The following CCDC178 variants were observed in gnomAD, a reference collection of about 807,000 sequenced individuals.
The protein encoded by CCDC178 is coiled-coil domain-containing protein 178.
A neutral mutation model predicts 117.4 loss-of-function variants in CCDC178; 126 were observed. The observed-to-expected ratio is 1.07, with a 90% CI of 0.93 to 1.24. CCDC178 has a LOEUF of 1.24. Among genes scored for constraint, CCDC178 ranks in the 50% most tolerant of loss-of-function variants. The pLI, the probability that CCDC178 is intolerant of heterozygous loss-of-function variation, is 0.00. For synonymous variants in CCDC178, 283 were observed against 313.4 expected, an observed-to-expected ratio of 0.90 and a Z score of 1.02; for missense variants, 1,030 against 986.9, an observed-to-expected ratio of 1.04 and a Z score of -0.59.
chr18:33,192,231 A>G lies in CCDC178; in HGVS notation c.2238+19665T>C, dbSNP rs138715464. Among the ~76,000 whole-genome samples, 1,157 of 152,310 alleles carry G rather than the reference A, an allele frequency of 7.6e-3. 21 individuals carry two copies. Among genetic ancestry groups the G allele is most frequent in the African/African-American group, 0.026 (1,080 of 41,556 alleles). On this transcript the variant is annotated intron_variant, in intron 20 of 22. Coordinates refer to ENST00000383096, the MANE Select transcript of CCDC178 (RefSeq NM_001105528.4). ...CCTCAACTTGGTTGTAATTTCCTAT[A>G]GCAGAGTTTAATATAGTATGAATTC...
chr18:33,185,641 A>G (rs2058782471), intron 20 of CCDC178, among the ~76,000 whole-genome samples: 1 of 152,088 alleles, frequency 6.6e-6, no homozygotes, highest in African/African-American at 2.4e-5. Flanking sequence ...AAACAAATAT[A>G]GAAAAGACAC....
chr18:33,065,843 C>A (rs903692370), intron 21 of CCDC178, among the ~76,000 whole-genome samples: 61 of 151,292 alleles, frequency 4.0e-4, no homozygotes, highest in Non-Finnish European at 1.9e-4. Flanking sequence ...GACTGTTATA[C>A]CTAGCAAAGT....
chr18:33,293,334 A>G, intron 11 of CCDC178, 22 bp from the exon 12 acceptor site: 1 of 1,395,340 alleles, frequency 7.2e-7, no homozygotes, highest in Non-Finnish European at 9.9e-7. Flanking sequence ...AACACAGTTT[A>G]TTTTATTCAC....
chr18:33,001,656 T>C (rs1405419971), intron 21 of CCDC178, among the ~76,000 whole-genome samples: 1 of 151,424 alleles, frequency 6.6e-6, no homozygotes, highest in Non-Finnish European at 1.5e-5. Flanking sequence ...AATAAGAAAA[T>C]GAGAGGACTA....
rs545904081 is a variant in CCDC178, at chr18:32,938,029, T to C, written c.2586A>G (p.Thr862=). 3 of 1,613,512 alleles carry C rather than the reference T, an allele frequency of 1.9e-6. No homozygotes were observed. Among genetic ancestry groups the C allele is most frequent in the East Asian group, 2.2e-5 (1 of 44,860 alleles). ...TGTTTGCTTAACCATCGTTTTCGCA[T>C]GTGCCATCTGTCAAAGTCTGGAAGA... ...LGFFQTLTDG[T]CENDG Residue 862 remains threonine (T), a synonymous_variant, in exon 23 of 23, where the codon ACA becomes ACG. Coordinates refer to ENST00000383096, the MANE Select transcript of CCDC178 (RefSeq NM_001105528.4).
At chr18:33,248,531 C>A (rs1290948507) in intron 14 of CCDC178, among the ~76,000 whole-genome samples, 1 of 150,056 alleles carries the variant, frequency 6.7e-6, no homozygotes, top group South Asian at 2.1e-4. Context: ...GGTTTTTTGT[C>A]CTTGTGATAG....
intron 11 of CCDC178, among the ~76,000 whole-genome samples, chr18:33,319,049 T>TA (rs1342594936): frequency 6.6e-6 from 1 of 152,102 alleles, no homozygotes; most frequent in Non-Finnish European, 1.5e-5. Context: ...AATATATATA[T>TA]TTTTTATTAT....
intron 20 of CCDC178, among the ~76,000 whole-genome samples, chr18:33,101,169 G>A (rs2057620741): frequency 6.6e-6 from 1 of 151,470 alleles, no homozygotes; most frequent in Non-Finnish European, 1.5e-5. Context: ...TATCAAGAGT[G>A]TTAGAAACAT....
At chr18:33,360,629 A>C (rs1448872644) in intron 6 of CCDC178, among the ~76,000 whole-genome samples, 1 of 151,654 alleles carries the variant, frequency 6.6e-6, no homozygotes, top group East Asian at 1.9e-4. Flanking sequence ...CTACACAAAA[A>C]AACCTGTTAG....
At chr18:33,046,525 CAA>C (rs10648309) in intron 21 of CCDC178, among the ~76,000 whole-genome samples, 3 of 151,456 alleles carry the variant, frequency 2.0e-5, no homozygotes, top group Admixed American at 1.3e-4. Context: ...TAAGTATAAG[CAA>C]AAAAATAACC....
intron 14 of CCDC178, among the ~76,000 whole-genome samples, chr18:33,258,956 T>A (rs980223175): frequency 6.6e-6 from 1 of 152,174 alleles, no homozygotes; most frequent in African/African-American, 2.4e-5. Context: ...TATTTTCTCC[T>A]GAAAATATTG....
At chr18:33,309,307 C>A (rs1347181444) in intron 11 of CCDC178, among the ~76,000 whole-genome samples, 1 of 151,778 alleles carries the variant, frequency 6.6e-6, no homozygotes, top group Non-Finnish European at 1.5e-5. Context: ...AGGTGAATAC[C>A]TGATATTCAC....
intron 21 of CCDC178, among the ~76,000 whole-genome samples, chr18:33,004,685 G>A (rs534601585): frequency 3.3e-5 from 5 of 152,134 alleles, no homozygotes; most frequent in African/African-American, 7.2e-5. Context: ...ACAACCCATC[G>A]GATGGGTGAA....
chr18:33,287,294 A>G lies in CCDC178; in HGVS notation c.1176+5865T>C, dbSNP rs564550975. ...GCAATAATGCACATCGTTGCTTTTA[A>G]TTGAATGCTTAACATGTGCTCTTTG... On this transcript the variant is annotated intron_variant, in intron 12 of 22. Coordinates refer to ENST00000383096, the MANE Select transcript of CCDC178 (RefSeq NM_001105528.4). 7.1e-4 allele frequency among the ~76,000 whole-genome samples: 108 copies of G among 152,358 alleles called. 1 individual carries two copies. The highest frequency in any genetic ancestry group is 2.5e-3 in the African/African-American group (105 of 41,582).
chr18:33,350,132 A>T (rs1446723266), intron 7 of CCDC178, among the ~76,000 whole-genome samples: 1 of 152,020 alleles, frequency 6.6e-6, no homozygotes, highest in East Asian at 1.9e-4. Flanking sequence ...CCCAGCATCA[A>T]CTATTAAATA....
intron 22 of CCDC178, 21 bp downstream of exon 22, chr18:32,974,526 T>C (rs763605372): frequency 9.9e-6 from 16 of 1,610,556 alleles, no homozygotes; most frequent in Non-Finnish European, 1.2e-5. Flanking sequence ...TGATCTTTCC[T>C]ACTTCCCTGC....
At chr18:33,130,629 A>G (rs920148351) in intron 20 of CCDC178, among the ~76,000 whole-genome samples, 1 of 152,108 alleles carries the variant, frequency 6.6e-6, no homozygotes, top group Non-Finnish European at 1.5e-5. Context: ...TTCTCTTGGT[A>G]GAAATATCAA....
chr18:33,223,597 A>C (rs1204640937), intron 17 of CCDC178, among the ~76,000 whole-genome samples: 1 of 152,160 alleles, frequency 6.6e-6, no homozygotes, highest in East Asian at 1.9e-4. Flanking sequence ...TAAATTATTA[A>C]TTCTTATAAT....
chr18:33,007,177 A>G (rs1347255994), intron 21 of CCDC178, among the ~76,000 whole-genome samples: 1 of 152,038 alleles, frequency 6.6e-6, no homozygotes, highest in African/African-American at 2.4e-5. Context: ...CCGTGGGAAT[A>G]ATCTATGTTC....
Sources: gnomAD v4.1 joint callset for allele counts (sites outside exome capture counted in the v4.1 genomes callset) on GRCh38, gnomAD v4.1.1 for gene constraint, MANE v1.5 for transcripts, NCBI Gene and HGNC (gene_info 2026-07-23, HGNC 2026-07-21) for gene names.